GRIP1: variants seen among roughly 807,000 people sequenced by gnomAD.
GRIP1 encodes glutamate receptor-interacting protein 1.
In GRIP1, 45 loss-of-function variants were observed where a neutral mutation model predicts 129.9. The ratio of observed to expected loss-of-function variants is 0.35; its 90% confidence interval spans 0.27 to 0.44. The LOEUF is 0.44. GRIP1 is among the 20% of genes least tolerant of loss of function. The pLI is 1.00. For missense variants in GRIP1, 1,196 were observed against 1,396.8 expected (o/e 0.86, Z 2.29); for synonymous variants, 530 against 520.8 (o/e 1.02, Z -0.24).
At chr12:66,750,527 C>T (rs973176750) in intron 1 of GRIP1, among the ~76,000 whole-genome samples, 2 of 152,176 alleles carry the variant, frequency 1.3e-5, no homozygotes, top group African/African-American at 4.8e-5. Flanking sequence ...GAGGAGGTCA[C>T]AGGTCCTGTA....
chr12:66,958,080 T>C (rs889751204), intron 1 of GRIP1, among the ~76,000 whole-genome samples: 7 of 152,188 alleles, frequency 4.6e-5, no homozygotes, highest in African/African-American at 1.7e-4. Flanking sequence ...TCTTTGGTCA[T>C]TGGGAGCTCT....
intron 1 of GRIP1, among the ~76,000 whole-genome samples, chr12:66,604,020 G>A (rs1226051366): frequency 1.3e-5 from 2 of 152,302 alleles, no homozygotes; most frequent in Middle Eastern, 3.4e-3. Flanking sequence ...GCAGGGACAT[G>A]AGGGAAGAAT....
chr12:66,698,163 C>T (rs1416759572), intron 1 of GRIP1, among the ~76,000 whole-genome samples: 1 of 152,128 alleles, frequency 6.6e-6, no homozygotes, highest in African/African-American at 2.4e-5. Flanking sequence ...TATGGAGGTT[C>T]ATGAGATTTG....
At chr12:67,045,782 C>T (rs1288711054) in intron 1 of GRIP1, among the ~76,000 whole-genome samples, 2 of 152,196 alleles carry the variant, frequency 1.3e-5, no homozygotes, top group African/African-American at 4.8e-5. Context: ...CTCAAACTGA[C>T]TTAAGTGTTT....
At chr12:66,959,197 T>C (rs1183495328) in intron 1 of GRIP1, among the ~76,000 whole-genome samples, 2 of 152,216 alleles carry the variant, frequency 1.3e-5, no homozygotes, top group African/African-American at 2.4e-5. Context: ...TTCTCCAATG[T>C]GTCATTTATC....
chr12:66,424,072 T>C (rs1045292955), intron 14 of GRIP1, among the ~76,000 whole-genome samples: 1 of 152,176 alleles, frequency 6.6e-6, no homozygotes, highest in Non-Finnish European at 1.5e-5. Flanking sequence ...TGCAAGTGTT[T>C]TTGTTGTTAC....
intron 1 of GRIP1, among the ~76,000 whole-genome samples, chr12:66,893,213 G>A (rs987400707): frequency 6.6e-5 from 10 of 151,924 alleles, no homozygotes; most frequent in Non-Finnish European, 1.5e-4. Flanking sequence ...ATGTCCTTGA[G>A]ATCCATGCAA....
chr12:66,617,264 G>A (rs1446915357), intron 1 of GRIP1, among the ~76,000 whole-genome samples: 1 of 130,634 alleles, frequency 7.7e-6, no homozygotes, highest in Non-Finnish European at 1.6e-5. Context: ...AGGTCTGCCT[G>A]TTTCCTCCAC....
intron 1 of GRIP1, among the ~76,000 whole-genome samples, chr12:66,686,062 C>T (rs2034772664): frequency 6.6e-6 from 1 of 152,174 alleles, no homozygotes; most frequent in Non-Finnish European, 1.5e-5. Context: ...TCATAAATTA[C>T]TTTAAAAAAA....
chr12:67,003,641 C>T (rs951279569), intron 1 of GRIP1, among the ~76,000 whole-genome samples: 1 of 151,742 alleles, frequency 6.6e-6, no homozygotes, highest in Admixed American at 6.6e-5. Context: ...TGCAGTGAGC[C>T]GAGATTGCGC....
intron 6 of GRIP1, among the ~76,000 whole-genome samples, chr12:66,517,192 C>T (rs1441104190): frequency 6.6e-6 from 1 of 152,106 alleles, no homozygotes; most frequent in Non-Finnish European, 1.5e-5. Flanking sequence ...TGTGTTCCCC[C>T]ATCATTATAG....
intron 7 of GRIP1, among the ~76,000 whole-genome samples, chr12:66,513,590 A>G (rs1257898350): frequency 6.6e-6 from 1 of 152,126 alleles, no homozygotes; most frequent in Non-Finnish European, 1.5e-5. Context: ...TTTTATTGCT[A>G]TTATAAAGGA....
chr12:67,049,854 A>G (rs1448463214), intron 1 of GRIP1, among the ~76,000 whole-genome samples: 1 of 152,120 alleles, frequency 6.6e-6, no homozygotes, highest in African/African-American at 2.4e-5. Flanking sequence ...TTATAAAACA[A>G]TTAACAGTAT....
At chr12:66,708,282 AG>A (rs1014110450) in intron 1 of GRIP1, among the ~76,000 whole-genome samples, 3 of 151,994 alleles carry the variant, frequency 2.0e-5, no homozygotes, top group African/African-American at 7.2e-5. Flanking sequence ...CAGCTCCCCA[AG>A]GAATCAGGTG....
chr12:66,439,632 G>A (rs1034732250), intron 13 of GRIP1, among the ~76,000 whole-genome samples: 1 of 152,128 alleles, frequency 6.6e-6, no homozygotes, highest in Non-Finnish European at 1.5e-5. Context: ...CATAATCATA[G>A]TAATCTCTTC....
intron 4 of GRIP1, among the ~76,000 whole-genome samples, chr12:66,532,879 G>A (rs2061499468): frequency 6.6e-6 from 1 of 152,080 alleles, no homozygotes; most frequent in South Asian, 2.1e-4. Flanking sequence ...AGTTAAAAAT[G>A]ACTCCTTAGG....
At chr12:66,838,360 T>C (rs1383876293) in intron 1 of GRIP1, among the ~76,000 whole-genome samples, 1 of 152,150 alleles carries the variant, frequency 6.6e-6, no homozygotes, top group Non-Finnish European at 1.5e-5. Context: ...ATATTTCAAG[T>C]GTTTCAAAGT....
intron 1 of GRIP1, among the ~76,000 whole-genome samples, chr12:66,898,514 T>C (rs1473084534): frequency 6.6e-6 from 1 of 152,196 alleles, no homozygotes; most frequent in Non-Finnish European, 1.5e-5. Flanking sequence ...AACCTATTGA[T>C]AATTGCATTT....
intron 1 of GRIP1, among the ~76,000 whole-genome samples, chr12:66,792,023 T>G (rs2038553758): frequency 6.6e-6 from 1 of 152,142 alleles, no homozygotes. Flanking sequence ...TCTGGATTTC[T>G]CATGAGAAAG....
Sources: gnomAD v4.1 joint callset for allele counts (sites outside exome capture counted in the v4.1 genomes callset) on GRCh38, gnomAD v4.1.1 for gene constraint, MANE v1.5 for transcripts, NCBI Gene and HGNC (gene_info 2026-07-23, HGNC 2026-07-21) for gene names.